ZNF609: variants seen among roughly 807,000 people sequenced by gnomAD.
ZNF609 encodes the protein zinc finger protein 609.
In ZNF609, 11 loss-of-function variants were observed where a neutral mutation model predicts 109.5. The ratio of observed to expected loss-of-function variants is 0.10; its 90% CI spans 0.06 to 0.17. ZNF609 has a LOEUF of 0.17. ZNF609 is among the 10% of genes least tolerant of loss of function. ZNF609 has a pLI of 1.00. For synonymous variants in ZNF609, 646 were observed against 662.0 expected (o/e 0.98, Z 0.37); for missense variants, 1,559 against 1,772.4 (o/e 0.88, Z 2.16).
At chr15:64,667,498 CG>C (rs1356064734) in intron 3 of ZNF609, among the ~76,000 whole-genome samples, 1 of 151,888 alleles carries the variant, frequency 6.6e-6, no homozygotes, top group Non-Finnish European at 1.5e-5. Flanking sequence ...CACCTGAGGT[CG>C]GGAGTTCGAG....
Position 64,681,376 on chromosome 15 carries a change from G to A in ZNF609, c.4230G>A (p.Arg1410=). 5.6e-6 allele frequency: 9 copies of A among 1,613,916 alleles called. No homozygotes were observed. The highest frequency in any genetic ancestry group is 7.6e-6 in the Non-Finnish European group (9 of 1,179,896). ...CTCCCTCACTCTACCCACCCCCCAGGAGGTGAGAATGGTAAGTCACTTTTA... is the reference window on the plus strand; with the variant it reads ...CTCCCTCACTCTACCCACCCCCCAGAAGGTGAGAATGGTAAGTCACTTTTA... ...GSTPSLYPPP[R]R is the part of the protein sequence containing the mutation. Residue 1410 remains arginine (R), a synonymous_variant, in exon 9 of 10, where the codon AGG becomes AGA. Coordinates refer to ENST00000326648, the MANE Select transcript of ZNF609 (RefSeq NM_015042.2).
At chr15:64,505,052 T>C (rs1260058214) in intron 2 of ZNF609, among the ~76,000 whole-genome samples, 1 of 152,216 alleles carries the variant, frequency 6.6e-6, no homozygotes, top group Non-Finnish European at 1.5e-5. Flanking sequence ...TCACTTGTTT[T>C]TCACAGTGAC....
intron 1 of ZNF609, among the ~76,000 whole-genome samples, chr15:64,471,724 C>T (rs983689323): frequency 2.0e-5 from 3 of 150,582 alleles, no homozygotes; most frequent in Non-Finnish European, 3.0e-5. Flanking sequence ...GGTGGCATTA[C>T]AGGCATGCGG....
At chr15:64,633,054 G>A (rs1453920407) in intron 3 of ZNF609, among the ~76,000 whole-genome samples, 3 of 151,648 alleles carry the variant, frequency 2.0e-5, no homozygotes, top group Non-Finnish European at 2.9e-5. Flanking sequence ...AAAGTTCTGC[G>A]ATTACAAGTG....
intron 2 of ZNF609, among the ~76,000 whole-genome samples, chr15:64,560,775 G>T (rs1372367862): frequency 1.3e-5 from 2 of 152,174 alleles, no homozygotes; most frequent in African/African-American, 4.8e-5. Flanking sequence ...AAAGTTGGCT[G>T]AAGTCCATAG....
At chr15:64,641,466 G>A (rs945393275) in intron 3 of ZNF609, among the ~76,000 whole-genome samples, 7 of 151,654 alleles carry the variant, frequency 4.6e-5, no homozygotes, top group Non-Finnish European at 1.0e-4. Flanking sequence ...CGCCCACCTC[G>A]GCCTCCCAAA....
In ZNF609 at chr15:64,675,456, G is replaced by A. The variant is rs376299948; in HGVS notation, c.2602G>A (p.Glu868Lys). ...KVDSVKSKDA[E>K]QLVKEGAKKT... ...AGACAGTGTCAAATCAAAGGACGCC[G>A]AACAGTTGGTTAAAGAAGGGGCTAA... is the stretch of plus-strand genomic sequence containing the variant. Residue 868 changes from glutamate (E) to lysine (K), a missense_variant, in exon 5 of 10, where the codon GAA (glutamate) becomes AAA (lysine). Physicochemically the swap from Glu to Lys is moderately conservative, Grantham distance 56 (BLOSUM62 1). Coordinates refer to ENST00000326648, the MANE Select transcript of ZNF609 (RefSeq NM_015042.2). The A allele has an allele frequency of 5.5e-5, 89 of 1,614,004 alleles. 1 individual carries two copies. The highest frequency in any genetic ancestry group is 6.6e-5 in the Non-Finnish European group (78 of 1,180,040).
chr15:64,499,853 A>T lies in ZNF609; in HGVS notation c.434A>T (p.Lys145Met), dbSNP rs752938150. 1 of 1,614,076 alleles carries T rather than the reference A, an allele frequency of 6.2e-7. No homozygotes were observed. The highest frequency in any genetic ancestry group is 1.1e-5 in the South Asian group (1 of 91,060). Residue 145 changes from lysine (K) to methionine (M), a missense_variant, in exon 2 of 10, where the codon AAG (lysine) becomes ATG (methionine). Lys to Met is a moderately conservative substitution (Grantham distance 95). Transcript: ENST00000326648. Reference protein sequence around the residue: ...VAAIAPKGSEKAAKASRSVAG... With the variant: ...VAAIAPKGSEMAAKASRSVAG... ...GCTATTGCTCCCAAGGGCTCAGAGA[A>T]GGCGGCTAAGGCATCCCGCAGTGTA...
chr15:64,610,925 G>A (rs934723626), intron 2 of ZNF609, among the ~76,000 whole-genome samples: 2 of 151,944 alleles, frequency 1.3e-5, no homozygotes, highest in East Asian at 3.9e-4. Flanking sequence ...TTCTGACATC[G>A]TGATTATTAA....
intron 2 of ZNF609, among the ~76,000 whole-genome samples, chr15:64,574,311 A>G (rs1327685847): frequency 1.3e-5 from 2 of 151,710 alleles, no homozygotes; most frequent in Non-Finnish European, 2.9e-5. Context: ...TAAAGAAGGA[A>G]CCTGCAGGGG....
intron 3 of ZNF609, among the ~76,000 whole-genome samples, chr15:64,633,931 G>A (rs2249914): frequency 0.87 from 131,611 of 152,032 alleles, 58,250 homozygotes; most frequent in East Asian, 0.96. Flanking sequence ...CTCATGCCTC[G>A]TATAGCCACC....
chr15:64,680,898 T>G, intron 8 of ZNF609, 36 bp downstream of exon 8: 1 of 1,597,392 alleles, frequency 6.3e-7, no homozygotes, highest in Non-Finnish European at 8.5e-7. Context: ...TTGTTTTGTC[T>G]TGTTTTGTTT....
chr15:64,594,706 A>C (rs2140941686), intron 2 of ZNF609, among the ~76,000 whole-genome samples: 1 of 151,874 alleles, frequency 6.6e-6, no homozygotes, highest in South Asian at 2.1e-4. Context: ...GAATGAACGT[A>C]AGGATTTTTG....
intron 2 of ZNF609, among the ~76,000 whole-genome samples, chr15:64,620,235 A>C (rs1390731305): frequency 6.6e-6 from 1 of 152,238 alleles, no homozygotes; most frequent in African/African-American, 2.4e-5. Context: ...AACCCTAAGC[A>C]AAAGAAGTAC....
chr15:64,463,192 C>G (rs760575693), intron 1 of ZNF609, among the ~76,000 whole-genome samples: 2 of 151,962 alleles, frequency 1.3e-5, no homozygotes, highest in Non-Finnish European at 2.9e-5. Flanking sequence ...TTCAGGAGTT[C>G]GAGACCAGCT....
chr15:64,489,528 CTTT>C (rs10577073), intron 1 of ZNF609, among the ~76,000 whole-genome samples: 1,774 of 113,668 alleles, frequency 0.016, 15 homozygotes, highest in African/African-American at 0.031. Context: ...CCATTATTCA[CTTT>C]TTTTTTTTTT....
At chr15:64,515,811 G>A (rs576026199) in intron 2 of ZNF609, among the ~76,000 whole-genome samples, 177 of 151,708 alleles carry the variant, frequency 1.2e-3, no homozygotes, top group African/African-American at 4.1e-3. Flanking sequence ...GGTGGCACAC[G>A]CCTGTAATCC....
At chr15:64,474,853 G>A (rs757754055) in intron 1 of ZNF609, among the ~76,000 whole-genome samples, 5 of 152,054 alleles carry the variant, frequency 3.3e-5, no homozygotes, top group African/African-American at 4.8e-5. Flanking sequence ...TAAAATCTTC[G>A]ATGGTTCCCA....
rs1341841994 is a variant in ZNF609 at position 64,577,320 on chromosome 15, T to C, written c.748-45507T>C. On this transcript the variant is annotated intron_variant, in intron 2 of 9. Transcript: ENST00000326648. ...AAATATATACATATATGTATATATA[T>C]ACACACAAATATATACATATATATG... Among the ~76,000 whole-genome samples the C allele has an allele frequency of 5.3e-4, 16 of 30,398 alleles. 6 individuals are homozygous for C. Among genetic ancestry groups the C allele is most frequent in the South Asian group, 1.1e-3 (2 of 1,900 alleles). 19.9% of individuals were successfully genotyped at this position (30,398 alleles called of 152,430 possible). A position where few individuals can be genotyped will look rare whatever the true frequency, so the allele number is the denominator to read the frequency against.
Sources: allele counts gnomAD v4.1 joint callset (sites outside exome capture counted in the v4.1 genomes callset), GRCh38; gene constraint gnomAD v4.1.1; transcripts MANE v1.5; gene names NCBI Gene and HGNC (gene_info 2026-07-23, HGNC 2026-07-21).